Variants in RBFOX1 observed in about 807,000 individuals in gnomAD.
RBFOX1 encodes RNA binding protein fox-1 homolog 1.
RBFOX1 carries 8 observed loss-of-function variants against 57.7 expected under a neutral mutation model. The observed-to-expected ratio is 0.14, with a 90% confidence interval of 0.08 to 0.25. RBFOX1 has a LOEUF of 0.25. Ranked by LOEUF, RBFOX1 falls within the 10% of genes least tolerant of loss-of-function variation. The pLI is 1.00. For missense variants in RBFOX1, 611 were observed against 548.5 expected (o/e 1.11, Z -1.14); for synonymous variants, 326 against 222.4 (o/e 1.47, Z -4.15).
intron 4 of RBFOX1, among the ~76,000 whole-genome samples, chr16:7,172,908 A>T (rs1567563731): frequency 6.6e-6 from 1 of 152,202 alleles, no homozygotes; most frequent in Non-Finnish European, 1.5e-5. Context: ...TTCCCAAGGA[A>T]GAGACTTGAA....
rs567364392 is a variant in RBFOX1 at position 5,658,893 on chromosome 16, C to T, written c.318+59932C>T. ...TATGTATAAATATATATATATATCTCACATAGTTTCTTTATCCACTCGTTA... is the reference window on the plus strand; with the variant it reads ...TATGTATAAATATATATATATATCTTACATAGTTTCTTTATCCACTCGTTA... On this transcript the variant is annotated intron_variant, in intron 3 of 19. Transcript: ENST00000641259. Among the ~76,000 whole-genome samples the T allele has an allele frequency of 4.0e-5, 6 of 148,526 alleles. No homozygotes were observed. In the East Asian group the frequency reaches 1.1e-3, roughly 26 times the overall value.
chr16:6,655,724 C>CAT (rs2098645862), intron 3 of RBFOX1, among the ~76,000 whole-genome samples: 1 of 152,178 alleles, frequency 6.6e-6, no homozygotes. Flanking sequence ...GTTAAGAGTA[C>CAT]ATACCTCCTG....
intron 3 of RBFOX1, among the ~76,000 whole-genome samples, chr16:6,859,772 C>T (rs190377538): frequency 1.4e-4 from 22 of 152,238 alleles, no homozygotes; most frequent in Non-Finnish European, 1.2e-4. Flanking sequence ...TATGAAGTTA[C>T]TGCTAAGGCT....
chr16:7,177,386 G>C (rs1160021872), intron 4 of RBFOX1, among the ~76,000 whole-genome samples: 1 of 152,096 alleles, frequency 6.6e-6, no homozygotes, highest in Non-Finnish European at 1.5e-5. Flanking sequence ...AATGCTGGAG[G>C]TGATGGGTAG....
chr16:6,322,093 G>A (rs781481533), intron 2 of RBFOX1, among the ~76,000 whole-genome samples: 3 of 152,166 alleles, frequency 2.0e-5, no homozygotes, highest in Admixed American at 6.5e-5. Flanking sequence ...GCCACCAAAT[G>A]ATAAGTGAGT....
At chr16:6,809,563 G>A (rs568780426) in intron 3 of RBFOX1, among the ~76,000 whole-genome samples, 2 of 152,088 alleles carry the variant, frequency 1.3e-5, no homozygotes, top group Non-Finnish European at 1.5e-5. Context: ...ATATCCTATT[G>A]TATATGAAGC....
intron 3 of RBFOX1, among the ~76,000 whole-genome samples, chr16:6,833,457 G>C (rs2092858202): frequency 6.6e-6 from 1 of 152,130 alleles, no homozygotes; most frequent in African/African-American, 2.4e-5. Context: ...GTGAACCACT[G>C]CTCCCAGCCT....
chr16:6,388,495 A>G (rs1195019892), intron 2 of RBFOX1, among the ~76,000 whole-genome samples: 2 of 151,994 alleles, frequency 1.3e-5, no homozygotes, highest in African/African-American at 4.8e-5. Context: ...TTTTTAATTA[A>G]TTTGTCTTTT....
chr16:6,346,486 C>G (rs951454279), intron 2 of RBFOX1, among the ~76,000 whole-genome samples: 3 of 144,874 alleles, frequency 2.1e-5, no homozygotes, highest in Non-Finnish European at 4.7e-5. Context: ...GGATCAGGTA[C>G]TGTTCCAACG....
chr16:7,182,781 C>T (rs1467847404), intron 4 of RBFOX1, among the ~76,000 whole-genome samples: 1 of 152,150 alleles, frequency 6.6e-6, no homozygotes, highest in Non-Finnish European at 1.5e-5. Context: ...CCTGACTTAG[C>T]ACTTTGTACT....
chr16:7,559,293 T>G (rs1297152435), intron 5 of RBFOX1, among the ~76,000 whole-genome samples: 1 of 150,024 alleles, frequency 6.7e-6, no homozygotes, highest in Admixed American at 6.6e-5. Flanking sequence ...TTACGTTATA[T>G]ACATTATACA....
At chr16:5,797,256 T>C (rs1184453171) in intron 3 of RBFOX1, among the ~76,000 whole-genome samples, 1 of 152,170 alleles carries the variant, frequency 6.6e-6, no homozygotes, top group African/African-American at 2.4e-5. Flanking sequence ...GTAAACTACA[T>C]AGACTGGATT....
At chr16:6,725,884 T>G (rs1251283635) in intron 3 of RBFOX1, among the ~76,000 whole-genome samples, 1 of 152,196 alleles carries the variant, frequency 6.6e-6, no homozygotes, top group East Asian at 1.9e-4. Flanking sequence ...TTATCAGAGA[T>G]GATACTTGGT....
chr16:6,984,010 G>A lies in RBFOX1; in HGVS notation c.-15-68047G>A, dbSNP rs551898038. Among the ~76,000 whole-genome samples, 3 of 152,266 alleles carry A rather than the reference G, an allele frequency of 2.0e-5. No homozygotes were observed. In the East Asian group the frequency reaches 5.8e-4, roughly 29 times the overall value. On this transcript the variant is annotated intron_variant, in intron 3 of 15. Coordinates refer to ENST00000550418, the MANE Select transcript of RBFOX1 (RefSeq NM_018723.4). ...ACCCTGTAATTCCAGCACTTTGGGA[G>A]GCCAAGGTGGGCAGATCACCTGAGG...
At chr16:6,406,017 A>G (rs2093267850) in intron 2 of RBFOX1, among the ~76,000 whole-genome samples, 1 of 152,156 alleles carries the variant, frequency 6.6e-6, no homozygotes, top group Admixed American at 6.5e-5. Context: ...GGAATTAAGG[A>G]CTCAGAACTT....
chr16:5,777,627 T>C (rs1237331163), intron 3 of RBFOX1, among the ~76,000 whole-genome samples: 3 of 152,224 alleles, frequency 2.0e-5, no homozygotes, highest in Non-Finnish European at 4.4e-5. Flanking sequence ...AGTTAACTTA[T>C]ATTTAAAAGC....
intron 3 of RBFOX1, among the ~76,000 whole-genome samples, chr16:5,647,213 T>G (rs1419788333): frequency 6.6e-6 from 1 of 152,146 alleles, no homozygotes; most frequent in Non-Finnish European, 1.5e-5. Context: ...AACCCCAGGT[T>G]TATGAAGCAA....
intron 4 of RBFOX1, among the ~76,000 whole-genome samples, chr16:7,513,666 A>G (rs145272505): frequency 1.3e-5 from 2 of 152,160 alleles, no homozygotes; most frequent in Admixed American, 6.5e-5. Flanking sequence ...TCCTGTGGGG[A>G]GCAATCACAC....
chr16:6,937,261 A>T (rs544199703), intron 3 of RBFOX1, among the ~76,000 whole-genome samples: 1 of 152,258 alleles, frequency 6.6e-6, no homozygotes, highest in African/African-American at 2.4e-5. Flanking sequence ...AGATTCAACA[A>T]TTGCCAACTC....
Sources: allele counts gnomAD v4.1 joint callset (sites outside exome capture counted in the v4.1 genomes callset), GRCh38; gene constraint gnomAD v4.1.1; transcripts MANE v1.5; gene names NCBI Gene and HGNC (gene_info 2026-07-23, HGNC 2026-07-21).